SV2B: variants seen among roughly 807,000 people sequenced by gnomAD.
The protein encoded by SV2B is synaptic vesicle glycoprotein 2B, also known as solute carrier family 22 member B2.
A neutral mutation model predicts 73.9 loss-of-function variants in SV2B; 41 were observed. The observed-to-expected ratio is 0.56, with a 90% confidence interval of 0.43 to 0.72. The LOEUF is 0.72. SV2B is among the 30% of genes least tolerant of loss of function. SV2B has a pLI of 0.00. For synonymous variants in SV2B, 314 were observed against 314.2 expected, an observed-to-expected ratio of 1.00 and a Z score of 0.01; for missense variants, 764 against 857.8, an observed-to-expected ratio of 0.89 and a Z score of 1.37.
Position 91,266,572 on chromosome 15 carries a change from T to C in SV2B, c.1009-10T>C. ...GTTCAAATTCTCTATATCCTATTTT[T>C]ACTTTTCAGGTTTCCAACATCAAAA... is the stretch of plus-strand genomic sequence containing the variant. On this transcript the variant is annotated splice_polypyrimidine_tract_variant and intron_variant, in intron 6 of 12. Coordinates refer to ENST00000394232, the MANE Select transcript of SV2B (RefSeq NM_001323032.3). The C allele has an allele frequency of 1.2e-6, 2 of 1,608,470 alleles. No homozygotes were observed. The highest frequency in any genetic ancestry group is 1.7e-6 in the Non-Finnish European group (2 of 1,175,270).
chr15:91,276,805 G>GTTGTTGTTATTATTATTATTATTATTA (rs528279430), intron 9 of SV2B, among the ~76,000 whole-genome samples: 1 of 92,096 alleles, frequency 1.1e-5, no homozygotes, highest in African/African-American at 3.4e-5. Flanking sequence ...TATTGTTGTT[G>GTTGTTGTTATTATTATTATTATTATTA]TTATTATTAT....
rs2141477479 is a variant in SV2B at position 91,224,103 on chromosome 15, G to A, written c.-391-1770G>A. 1.3e-5 allele frequency among the ~76,000 whole-genome samples: 2 copies of A among 152,368 alleles called. No homozygotes were observed. The highest frequency in any genetic ancestry group is 2.1e-4 in the South Asian group (1 of 4,824). The stretch of plus-strand genomic sequence containing the variant: ...GTGCTGGAGTCTGTCCAGGGCTGAA[G>A]ACCAGGAGGGCCAGGAAGCAGGTGT... On this transcript the variant is annotated intron_variant, in intron 1 of 12. Coordinates refer to ENST00000394232, the MANE Select transcript of SV2B (RefSeq NM_001323032.3). This position sits in a 1 kb window ranked among gnomAD's most constrained non-coding sequence, Gnocchi z 4.9.
intron 1 of SV2B, among the ~76,000 whole-genome samples, chr15:91,149,268 A>T (rs1399669162): frequency 6.6e-6 from 1 of 152,132 alleles, no homozygotes; most frequent in Admixed American, 6.5e-5. Context: ...CGGAAGTCTG[A>T]AGGTTGCTCT....
Position 91,221,152 on chromosome 15 carries a change from C to A in SV2B, c.-391-4721C>A, listed in dbSNP as rs567187540. Among the ~76,000 whole-genome samples, 11 of 152,228 alleles carry A rather than the reference C, an allele frequency of 7.2e-5. No homozygotes were observed. In the South Asian group the frequency reaches 2.3e-3, roughly 32 times the overall value. On this transcript the variant is annotated intron_variant, in intron 1 of 12. Coordinates refer to ENST00000394232, the MANE Select transcript of SV2B (RefSeq NM_001323032.3). ...AAATACTGGGATTACAGGTGTGAGC[C>A]CTCATGCCCAGACAATAATTATGAT...
chr15:91,237,046 A>G (rs1490528341), intron 2 of SV2B, among the ~76,000 whole-genome samples: 1 of 152,036 alleles, frequency 6.6e-6, no homozygotes, highest in Admixed American at 6.6e-5. Context: ...TATTTCCTTG[A>G]ATTCTATTTG....
chr15:91,251,851 G>C lies in SV2B; in HGVS notation c.484G>C (p.Ala162Pro), dbSNP rs372020741. 2 of 1,614,080 alleles carry C rather than the reference G, an allele frequency of 1.2e-6. No homozygotes were observed. Among genetic ancestry groups the C allele is most frequent in the Non-Finnish European group, 1.7e-6 (2 of 1,180,012 alleles). The change falls in exon 3 of 13, where the codon GCC becomes CCC. Residue 162 changes from alanine to proline, a missense_variant. Transcript: ENST00000394232. ...AGTCTACTTGGGAATGATGGCGGGC[G>C]CCTTCATCCTGGGAGGCCTGGCTGA... ...MIVYLGMMAG[A>P]FILGGLADKL...
At chr15:91,221,690 T>TGCGC (rs1555486412) in intron 1 of SV2B, among the ~76,000 whole-genome samples, 3 of 110,940 alleles carry the variant, frequency 2.7e-5, no homozygotes, top group African/African-American at 8.8e-5. Context: ...ACCAAGCATG[T>TGCGC]GCGCACACAC....
At position 91,289,678 on chromosome 15, in the gene SV2B, G is replaced by C. The variant is rs2048977109; in HGVS notation, c.1866G>C (p.Gln622His). ...VITVELYPTN[Q>H]RATAFGILNG... ...CAGTGGAGCTGTATCCCACCAACCAGAGGTCAGTTCTTCCCCAGGCTTTCC... is the reference window on the plus strand; with the variant it reads ...CAGTGGAGCTGTATCCCACCAACCACAGGTCAGTTCTTCCCCAGGCTTTCC... Residue 622 changes from glutamine to histidine, a missense_variant and splice_region_variant, in exon 12 of 13, where the codon CAG becomes CAC. Physicochemically the swap from Gln to His is conservative, Grantham distance 24 (BLOSUM62 0). Transcript: ENST00000394232. The surrounding 1 kb of genome is among the most constrained non-coding windows in gnomAD (Gnocchi z 4.9). 6.2e-7 allele frequency: 1 copy of C among 1,612,144 alleles called. No homozygotes were observed. Among genetic ancestry groups the C allele is most frequent in the African/African-American group, 1.3e-5 (1 of 74,890 alleles).
At position 91,275,650 on chromosome 15, in the gene SV2B, C is replaced by A. The variant is rs1596763854; in HGVS notation, c.1374-6078C>A. 2.6e-5 allele frequency among the ~76,000 whole-genome samples: 4 copies of A among 152,238 alleles called. No homozygotes were observed. The East Asian group carries it at 7.7e-4, about 29-fold the overall frequency. ...GACCAGCTTGGGCAACATGGTAAAA[C>A]CTTGTCTCTACTAAAAATACAAAAA... is the stretch of plus-strand genomic sequence containing the variant. On this transcript the variant is annotated intron_variant, in intron 9 of 12. Transcript: ENST00000394232.
At chr15:91,101,391 G>C (rs184958421) in intron 1 of SV2B, among the ~76,000 whole-genome samples, 30 of 152,208 alleles carry the variant, frequency 2.0e-4, no homozygotes, top group Admixed American at 1.9e-3. Context: ...GTAGGTACAG[G>C]CTCGTTCTGC....
In SV2B at chr15:91,129,582, A is replaced by C. The variant is rs573237306; in HGVS notation, c.-392+29219A>C. On this transcript the variant is annotated intron_variant, in intron 1 of 12. Transcript: ENST00000394232. The surrounding 1 kb of genome is among the most constrained non-coding windows in gnomAD (Gnocchi z 5.1). ...AGGTCACATGTGCCCAGCACAGCAC[A>C]CTGGGCACAGACTAGGACTGCATCT... Among the ~76,000 whole-genome samples the C allele has an allele frequency of 2.3e-4, 35 of 152,324 alleles. No homozygotes were observed. The highest frequency in any genetic ancestry group is 3.5e-4 in the Non-Finnish European group (24 of 68,030).
rs1567382563 is a variant in SV2B, at chr15:91,242,529, CT to C, written c.452-9289del. On this transcript the variant is annotated intron_variant, in intron 2 of 12. Coordinates refer to ENST00000394232, the MANE Select transcript of SV2B (RefSeq NM_001323032.3). The surrounding 1 kb of genome is among the most constrained non-coding windows in gnomAD (Gnocchi z 4.9). ...TTGAGGATGGATGGTCAGGGAAGGCCTCTTTGAGATTTCGCCTGAAATATGA... is the reference window on the plus strand; with the variant it reads ...TTGAGGATGGATGGTCAGGGAAGGCCCTTTGAGATTTCGCCTGAAATATGA... Among the ~76,000 whole-genome samples, 1 of 152,164 alleles carries C rather than the reference CT, an allele frequency of 6.6e-6. No individual in the cohort carries two copies. Among genetic ancestry groups the C allele is most frequent in the African/African-American group, 2.4e-5 (1 of 41,422 alleles).
At chr15:91,101,753 G>A in intron 1 of SV2B, 1 of 152,210 alleles carries the variant, frequency 6.6e-6, no homozygotes, top group East Asian at 1.9e-4. Flanking sequence ...CACTGCCACT[G>A]GGTGGGCAGA....
chr15:91,291,540 GT>G (rs2049040297), intron 12 of SV2B, among the ~76,000 whole-genome samples: 1 of 152,218 alleles, frequency 6.6e-6, no homozygotes, highest in Non-Finnish European at 1.5e-5. Context: ...ATTAGTAATA[GT>G]TCTCACTGGA....
intron 1 of SV2B, among the ~76,000 whole-genome samples, chr15:91,208,377 C>T (rs2045723357): frequency 6.6e-6 from 1 of 152,230 alleles, no homozygotes; most frequent in Non-Finnish European, 1.5e-5. Context: ...AGTGTTTTCC[C>T]CCCACCCTTG....
chr15:91,213,196 A>C (rs1216474511), intron 1 of SV2B, among the ~76,000 whole-genome samples: 1 of 151,994 alleles, frequency 6.6e-6, no homozygotes, highest in Non-Finnish European at 1.5e-5. Flanking sequence ...AAGAGAGAGA[A>C]TAGAGGAAGT....
chr15:91,190,754 A>C (rs1456236854), intron 1 of SV2B, among the ~76,000 whole-genome samples: 1 of 152,156 alleles, frequency 6.6e-6, no homozygotes, highest in African/African-American at 2.4e-5. Context: ...TATGCACACA[A>C]ACTTTTTTTT....
chr15:91,200,162 T>C (rs753251436), intron 1 of SV2B, among the ~76,000 whole-genome samples: 1 of 152,228 alleles, frequency 6.6e-6, no homozygotes, highest in Non-Finnish European at 1.5e-5. Flanking sequence ...TACCAAAAGG[T>C]AAGGTTTCCA....
chr15:91,220,707 G>A lies in SV2B; in HGVS notation c.-391-5166G>A, dbSNP rs2046184501. On this transcript the variant is annotated intron_variant, in intron 1 of 12. Transcript: ENST00000394232. This position sits in a 1 kb window ranked among gnomAD's most constrained non-coding sequence, Gnocchi z 4.1. ...TGTTTTTAGGAGTAACTCAATATTT[G>A]TTTGTTTTTCTCTGTATGTGGTTTC... is the stretch of plus-strand genomic sequence containing the variant. 6.6e-6 allele frequency among the ~76,000 whole-genome samples: 1 copy of A among 152,106 alleles called. No individual in the cohort carries two copies. The highest frequency in any genetic ancestry group is 2.4e-5 in the African/African-American group (1 of 41,398).
Sources: gnomAD v4.1 joint callset for allele counts (sites outside exome capture counted in the v4.1 genomes callset) on GRCh38, gnomAD v4.1.1 for gene constraint, Gnocchi (gnomAD v3.1) non-coding constraint, MANE v1.5 for transcripts, NCBI Gene and HGNC (gene_info 2026-07-23, HGNC 2026-07-21) for gene names.